ST8SIA1: variants seen among roughly 807,000 people sequenced by gnomAD.
ST8SIA1 encodes ST8 alpha-N-acetyl-neuraminide alpha-2,8-sialyltransferase 1.
ST8SIA1 carries 16 observed loss-of-function variants against 35.9 expected under a neutral mutation model. The ratio of observed to expected loss-of-function variants is 0.45; its 90% CI spans 0.30 to 0.68. The LOEUF is 0.68. ST8SIA1 is among the 30% of genes least tolerant of loss of function. The pLI, the probability that ST8SIA1 is intolerant of heterozygous loss-of-function variation, is 0.09. For synonymous variants in ST8SIA1, 170 were observed against 169.6 expected (o/e 1.00, Z -0.02); for missense variants, 383 against 453.6 (o/e 0.84, Z 1.41).
At chr12:22,331,600 G>A (rs1202286503) in intron 1 of ST8SIA1, among the ~76,000 whole-genome samples, 3 of 152,122 alleles carry the variant, frequency 2.0e-5, no homozygotes, top group Non-Finnish European at 2.9e-5. Flanking sequence ...CATGATAATG[G>A]CTTCTGACTG....
chr12:22,297,907 C>T (rs771049289), intron 1 of ST8SIA1, among the ~76,000 whole-genome samples: 3 of 151,986 alleles, frequency 2.0e-5, no homozygotes, highest in African/African-American at 7.2e-5. Flanking sequence ...AAGGCCAAAG[C>T]GGGATTACAG....
At chr12:22,208,626 G>A (rs10841977) in intron 4 of ST8SIA1, among the ~76,000 whole-genome samples, 100,042 of 151,932 alleles carry the variant, frequency 0.66, 33,238 homozygotes, top group South Asian at 0.85. Flanking sequence ...ATTTGATAAG[G>A]TAATTCTAAA....
intron 3 of ST8SIA1, among the ~76,000 whole-genome samples, chr12:22,252,134 G>A (rs1399233168): frequency 6.6e-6 from 1 of 152,178 alleles, no homozygotes; most frequent in Non-Finnish European, 1.5e-5. Flanking sequence ...AGCACTAGAA[G>A]ATGTGTTTGA....
chr12:22,238,169 C>CCA (rs762719554), intron 4 of ST8SIA1, among the ~76,000 whole-genome samples: 18 of 151,994 alleles, frequency 1.2e-4, no homozygotes, highest in Admixed American at 1.3e-4. Context: ...GAACTCCCCC[C>CCA]CCAACAAGAG....
chr12:22,264,296 A>G (rs1865822999), intron 2 of ST8SIA1, among the ~76,000 whole-genome samples: 1 of 152,056 alleles, frequency 6.6e-6, no homozygotes, highest in African/African-American at 2.4e-5. Flanking sequence ...CAGTGCACCA[A>G]TCAAGCCCCC....
chr12:22,238,163 T>TCC (rs5796956), intron 4 of ST8SIA1, among the ~76,000 whole-genome samples: 19,223 of 151,574 alleles, frequency 0.13, 1,528 homozygotes, highest in Middle Eastern at 0.29. Flanking sequence ...ACTTGAGAAC[T>TCC]CCCCCCCCAA....
At chr12:22,284,502 A>G (rs1866073727) in intron 2 of ST8SIA1, among the ~76,000 whole-genome samples, 1 of 152,250 alleles carries the variant, frequency 6.6e-6, no homozygotes, top group Non-Finnish European at 1.5e-5. Context: ...AATGGATGAG[A>G]GCAGAGGGAA....
In ST8SIA1 at chr12:22,334,067, C is replaced by G. The variant is rs879323574; in HGVS notation, c.166G>C (p.Glu56Gln). The G allele has an allele frequency of 6.2e-7, 1 of 1,614,130 alleles. No homozygotes were observed. The change falls in exon 1 of 5, where the codon GAG becomes CAG. Residue 56 changes from glutamate (E) to glutamine (Q), a missense_variant. Coordinates refer to ENST00000396037, the MANE Select transcript of ST8SIA1 (RefSeq NM_003034.4). ...TGTTGCAGCACCCCCTGCACGATCT[C>G]TTTCTCGTTGGGCAGCCGGTAGACG... is the stretch of plus-strand genomic sequence containing the variant. ...FPVYRLPNEK[E>Q]IVQGVLQQGT...
intron 2 of ST8SIA1, among the ~76,000 whole-genome samples, chr12:22,273,550 G>C (rs911120279): frequency 9.2e-5 from 14 of 152,060 alleles, no homozygotes; most frequent in Non-Finnish European, 8.8e-5. Context: ...CTGGTCATGA[G>C]ACAAGAACCC....
At chr12:22,304,234 C>A (rs183017832) in intron 1 of ST8SIA1, among the ~76,000 whole-genome samples, 1 of 151,826 alleles carries the variant, frequency 6.6e-6, no homozygotes, top group East Asian at 1.9e-4. Flanking sequence ...TAATTACAAG[C>A]TAACATCCAA....
chr12:22,285,886 A>AAAAAAAACAAAAAAAAAAC (rs1565586767), intron 2 of ST8SIA1, among the ~76,000 whole-genome samples: 1 of 109,714 alleles, frequency 9.1e-6, no homozygotes, highest in African/African-American at 2.9e-5. Context: ...ACAAAAAAAA[A>AAAAAAAACAAAAAAAAAAC]AAAAAAAAAA....
intron 4 of ST8SIA1, among the ~76,000 whole-genome samples, chr12:22,225,217 T>G (rs1284397859): frequency 6.6e-6 from 1 of 152,204 alleles, no homozygotes; most frequent in African/African-American, 2.4e-5. Flanking sequence ...TTTTTGTGGT[T>G]TGTGGTAATT....
In ST8SIA1 at chr12:22,235,114, GAAAC is replaced by G. The variant is rs1295055047; in HGVS notation, c.584+13888_584+13891del. Among the ~76,000 whole-genome samples, 223 of 152,212 alleles carry G rather than the reference GAAAC, an allele frequency of 1.5e-3. 1 individual carries two copies. Among genetic ancestry groups the G allele is most frequent in the Middle Eastern group, 6.8e-3 (2 of 294 alleles). On this transcript the variant is annotated intron_variant, in intron 4 of 4. Transcript: ENST00000396037. ...AGATTCAGATATGAAAGCTACAGTG[GAAAC>G]TTCGGTTAAAAATGCATATCATGAT...
At chr12:22,202,171 T>A in intron 4 of ST8SIA1, 133 bp from the exon 5 acceptor site, 1 of 788,614 alleles carries the variant, frequency 1.3e-6, no homozygotes, top group Non-Finnish European at 1.9e-6. Context: ...ACTTTATTTG[T>A]ATTTAAAATC....
intron 2 of ST8SIA1, among the ~76,000 whole-genome samples, chr12:22,264,491 A>G (rs1865824823): frequency 6.6e-6 from 1 of 152,230 alleles, no homozygotes; most frequent in Non-Finnish European, 1.5e-5. Context: ...CTTTCCAGTA[A>G]GTAAACTAAC....
intron 1 of ST8SIA1, among the ~76,000 whole-genome samples, chr12:22,332,991 A>G (rs989972524): frequency 1.3e-5 from 2 of 152,174 alleles, no homozygotes; most frequent in African/African-American, 4.8e-5. Context: ...GGCACCTCGC[A>G]GTGGTGGAAG....
At chr12:22,217,054 T>C (rs1042340038) in intron 4 of ST8SIA1, among the ~76,000 whole-genome samples, 2 of 152,204 alleles carry the variant, frequency 1.3e-5, no homozygotes, top group African/African-American at 2.4e-5. Context: ...CATTTTCTTG[T>C]AAACAGAATA....
At chr12:22,250,912 G>C (rs896058212) in intron 3 of ST8SIA1, 2 of 152,232 alleles carry the variant, frequency 1.3e-5, no homozygotes, top group Non-Finnish European at 2.9e-5. Flanking sequence ...TGGGCATTAT[G>C]GGGGCCTTGG....
intron 1 of ST8SIA1, among the ~76,000 whole-genome samples, chr12:22,303,889 A>AC (rs1273666783): frequency 9.3e-6 from 1 of 107,812 alleles, no homozygotes; most frequent in Non-Finnish European, 2.0e-5. Flanking sequence ...CACACACACA[A>AC]AAGTGGTGTG....
Sources: allele counts gnomAD v4.1 joint callset (sites outside exome capture counted in the v4.1 genomes callset), GRCh38; gene constraint gnomAD v4.1.1; transcripts MANE v1.5; gene names NCBI Gene and HGNC (gene_info 2026-07-23, HGNC 2026-07-21).